Variants in NCAN observed in about 807,000 individuals in gnomAD.
NCAN encodes neurocan.
NCAN carries 47 observed loss-of-function variants against 121.8 expected under a neutral mutation model. The ratio of observed to expected loss-of-function variants is 0.39; its 90% CI spans 0.31 to 0.49. The LOEUF is 0.49. NCAN is among the 20% of genes least tolerant of loss of function. The pLI is 0.92. For synonymous variants in NCAN, 633 were observed against 702.0 expected (o/e 0.90, Z 1.55); for missense variants, 1,517 against 1,773.4 (o/e 0.86, Z 2.60).
chr19:19,249,088 T>TGA (rs961313095), intron 14 of NCAN: 3 of 557,720 alleles, frequency 5.4e-6, no homozygotes, highest in Non-Finnish European at 6.3e-6. Flanking sequence ...TGTATGTGTA[T>TGA]GAGAGAGAGA....
At chr19:19,244,830 A>G (rs548693160) in intron 12 of NCAN, among the ~76,000 whole-genome samples, 11 of 150,810 alleles carry the variant, frequency 7.3e-5, no homozygotes, top group Non-Finnish European at 1.2e-4. Context: ...CCGGGTTCAA[A>G]CAATTCTCCT....
intron 13 of NCAN, among the ~76,000 whole-genome samples, chr19:19,248,214 G>A (rs1165934145): frequency 2.0e-5 from 3 of 152,106 alleles, no homozygotes; most frequent in African/African-American, 4.8e-5. Context: ...GGAGGACAAG[G>A]TGGGCAGCTC....
chr19:19,245,357 G>A lies in NCAN; in HGVS notation c.3537G>A (p.Ala1179=), dbSNP rs267605372. Residue 1179 remains alanine, a synonymous_variant, in exon 13 of 15, where the codon GCG becomes GCA. Coordinates refer to ENST00000252575, the MANE Select transcript of NCAN (RefSeq NM_004386.3). ...WRENQPDNFF[A]GGEDCVVMVA... Reference sequence around the variant, plus strand: ...AGAACCAGCCGGACAATTTCTTCGCGGGTGGCGAGGACTGTGTGGTGATGG... The same window carrying A: ...AGAACCAGCCGGACAATTTCTTCGCAGGTGGCGAGGACTGTGTGGTGATGG... The A allele has an allele frequency of 6.2e-7, 1 of 1,614,206 alleles. No homozygotes were observed. The highest frequency in any genetic ancestry group is 8.5e-7 in the Non-Finnish European group (1 of 1,180,028).
chr19:19,236,073 C>T (rs1360224795), intron 10 of NCAN, among the ~76,000 whole-genome samples: 1 of 152,192 alleles, frequency 6.6e-6, no homozygotes, highest in African/African-American at 2.4e-5. Context: ...ATTTCAGTGG[C>T]ATTCTGTACA....
At chr19:19,249,152 C>T (rs985040560) in intron 14 of NCAN, 5 of 374,184 alleles carry the variant, frequency 1.3e-5, no homozygotes, top group African/African-American at 8.4e-5. Context: ...TCTCGGCTCA[C>T]TGCAACCTCC....
chr19:19,245,229 C>T, intron 12 of NCAN, 84 bp from the exon 13 acceptor site: 7 of 1,536,704 alleles, frequency 4.6e-6, no homozygotes, highest in Non-Finnish European at 5.3e-6. Context: ...GGGGTCTGGC[C>T]AGGGGAGTCC....
At position 19,224,884 on chromosome 19, in the gene NCAN, G is replaced by T. The variant is rs575887701; in HGVS notation, c.779-93G>T. 127 of 1,141,662 alleles carry T rather than the reference G, an allele frequency of 1.1e-4. No homozygotes were observed. In the African/African-American group the frequency reaches 1.9e-3, roughly 17 times the overall value. The allele number at this position is 1,141,662 out of a possible 1,614,324, so 70.7% of individuals were successfully genotyped here. A position where few individuals can be genotyped will look rare whatever the true frequency, so the allele number is the denominator to read the frequency against. On this transcript the variant is annotated intron_variant, in intron 5 of 14. Transcript: ENST00000252575. The stretch of plus-strand genomic sequence containing the variant: ...CCTCTTCTAACCACCACCCTAACAC[G>T]TCCAGGTCGGAACTATTTGGAGTTG...
At position 19,227,692 on chromosome 19, in the gene NCAN, G is replaced by A; in HGVS notation, c.2072G>A (p.Gly691Glu). 6.2e-7 allele frequency: 1 copy of A among 1,613,976 alleles called. No homozygotes were observed. The highest frequency in any genetic ancestry group is 1.1e-5 in the South Asian group (1 of 91,082). Residue 691 changes from glycine to glutamate, a missense_variant, in exon 8 of 15, where the codon GGA (glycine) becomes GAA (glutamate). Gly to Glu is a moderately conservative substitution (Grantham distance 98, BLOSUM62 -2). Transcript: ENST00000252575. The surrounding 1 kb of genome is among the most constrained non-coding windows in gnomAD (Gnocchi z 4.2). ...TCTTTGACCCCAACAGGACAGGGTG[G>A]AGAGGCCATGCCCACAACACCTGAG... ...PLSLTPTGQGGEAMPTTPESP... is the reference protein window; with the variant it reads ...PLSLTPTGQGEEAMPTTPESP...
At chr19:19,213,684 G>C (rs1178925280) in intron 1 of NCAN, among the ~76,000 whole-genome samples, 1 of 152,080 alleles carries the variant, frequency 6.6e-6, no homozygotes, top group Non-Finnish European at 1.5e-5. Flanking sequence ...TGTGTATCTG[G>C]AGGGGCCAAG....
rs900729867 is a variant in NCAN, at chr19:19,233,769, A to G, written c.3020-20A>G. The stretch of plus-strand genomic sequence containing the variant: ...GATCTGTGGCCTGACTCTTCCCCAC[A>G]CTACCCATCCATCCTGCAGTGCACT... On this transcript the variant is annotated intron_variant, in intron 8 of 14. Coordinates refer to ENST00000252575, the MANE Select transcript of NCAN (RefSeq NM_004386.3). 1 of 1,502,930 alleles carries G rather than the reference A, an allele frequency of 6.7e-7. No individual in the cohort carries two copies. Among genetic ancestry groups the G allele is most frequent in the Non-Finnish European group, 9.3e-7 (1 of 1,078,880 alleles). The allele number at this position is 1,502,930 out of a possible 1,614,324, so 93.1% of individuals were successfully genotyped here.
intron 1 of NCAN, among the ~76,000 whole-genome samples, chr19:19,214,437 GA>G (rs1338267275): frequency 6.6e-6 from 1 of 152,090 alleles, no homozygotes; most frequent in Non-Finnish European, 1.5e-5. Flanking sequence ...AAGGGAGTGG[GA>G]GGGTGTGTGT....
intron 10 of NCAN, among the ~76,000 whole-genome samples, chr19:19,236,620 G>T (rs373549344): frequency 4.6e-5 from 7 of 151,808 alleles, no homozygotes; most frequent in East Asian, 1.9e-4. Flanking sequence ...TGTAGAGATG[G>T]GGTTTTGCCA....
chr19:19,230,717 T>TC (rs1210273163), intron 8 of NCAN, among the ~76,000 whole-genome samples: 6 of 148,002 alleles, frequency 4.1e-5, no homozygotes, highest in Non-Finnish European at 7.5e-5. Flanking sequence ...GGTGGGATCT[T>TC]TTTTTTTTTT....
At position 19,251,369 on chromosome 19, in the gene NCAN, C is replaced by T. The variant is rs989933120; in HGVS notation, c.*1458C>T. On this transcript the variant is annotated 3_prime_UTR_variant, in exon 15 of 15. Transcript: ENST00000252575. ...CATGCTAAAGACTTACATACAATCT[C>T]CTTGAATCTTCTCAATAGCCCATTG... 11 of 152,312 alleles carry T rather than the reference C, an allele frequency of 7.2e-5. No homozygotes were observed. In the East Asian group the frequency reaches 1.9e-3, roughly 27 times the overall value. The allele number at this position is 152,312 out of a possible 1,614,324, so 9.4% of individuals were successfully genotyped here.
intron 14 of NCAN, chr19:19,249,162 C>T (rs2060937299): frequency 5.5e-6 from 2 of 361,608 alleles, no homozygotes; most frequent in African/African-American, 2.1e-5. Flanking sequence ...CTGCAACCTC[C>T]CGGGTTCAAG....
At chr19:19,219,436 T>C (rs1203322847) in intron 3 of NCAN, 120 bp downstream of exon 3, 7 of 1,114,396 alleles carry the variant, frequency 6.3e-6, no homozygotes, top group Non-Finnish European at 8.6e-6. Flanking sequence ...GTCTCATGCC[T>C]GTAATCCCAG....
At chr19:19,221,326 T>G (rs1193586191) in intron 3 of NCAN, among the ~76,000 whole-genome samples, 1 of 151,200 alleles carries the variant, frequency 6.6e-6, no homozygotes, top group Non-Finnish European at 1.5e-5. Context: ...GATCATGAGG[T>G]CAGGAGTTCG....
Position 19,238,418 on chromosome 19 carries a change from G to A in NCAN, c.3409+7G>A. 6.2e-7 allele frequency: 1 copy of A among 1,614,032 alleles called. No homozygotes were observed. The highest frequency in any genetic ancestry group is 8.5e-7 in the Non-Finnish European group (1 of 1,180,018). On this transcript the variant is annotated splice_region_variant and intron_variant, in intron 11 of 14. Coordinates refer to ENST00000252575, the MANE Select transcript of NCAN (RefSeq NM_004386.3). ...GAACACAGCTTCATTAATAGTAGGG[G>A]CTCTGGGGAGGGGGCCACCTGCCTG...
At position 19,212,187 on chromosome 19, in the gene NCAN, G is replaced by C. The variant is rs1227568256; in HGVS notation, c.-8+123G>C. On this transcript the variant is annotated intron_variant, in intron 1 of 14. Coordinates refer to ENST00000252575, the MANE Select transcript of NCAN (RefSeq NM_004386.3). This position sits in a 1 kb window ranked among gnomAD's most constrained non-coding sequence, Gnocchi z 4.5. ...CCCAGAATGGGGAGGGGGCTGAAGC[G>C]GGGGAGGGGAGCCCTAGGTTGAGGA... The C allele has an allele frequency of 1.3e-5, 2 of 154,450 alleles. No homozygotes were observed. Among genetic ancestry groups the C allele is most frequent in the South Asian group, 2.0e-4 (1 of 5,088 alleles). The allele number at this position is 154,450 out of a possible 1,614,324, so 9.6% of individuals were successfully genotyped here.
Sources: allele counts gnomAD v4.1 joint callset (sites outside exome capture counted in the v4.1 genomes callset), GRCh38; gene constraint gnomAD v4.1.1; non-coding constraint Gnocchi (gnomAD v3.1); transcripts MANE v1.5; gene names NCBI Gene and HGNC (gene_info 2026-07-23, HGNC 2026-07-21).